The following NRP2 variants were observed in gnomAD, a reference collection of about 807,000 sequenced individuals.
NRP2 encodes neuropilin 2.
NRP2 carries 52 observed loss-of-function variants against 110.4 expected under a neutral mutation model. The observed-to-expected ratio is 0.47, with a 90% confidence interval of 0.38 to 0.59. The LOEUF is 0.59. NRP2 is among the 20% of genes least tolerant of loss of function. The pLI is 0.00. For missense variants in NRP2, 1,049 were observed against 1,203.0 expected (o/e 0.87, Z 1.89); for synonymous variants, 508 against 468.9 (o/e 1.08, Z -1.08).
intron 15 of NRP2, among the ~76,000 whole-genome samples, chr2:205,786,798 G>A (rs1208180237): frequency 6.6e-6 from 1 of 152,190 alleles, no homozygotes; most frequent in Non-Finnish European, 1.5e-5. Context: ...TCACCAATTA[G>A]CAGGACTAAG....
intron 13 of NRP2, 136 bp from the exon 14 acceptor site, chr2:205,765,338 C>T: frequency 1.3e-6 from 1 of 749,556 alleles, no homozygotes; most frequent in Non-Finnish European, 2.4e-6. Context: ...CAGATGTGTA[C>T]CAGGTGCAAT....
intron 15 of NRP2, among the ~76,000 whole-genome samples, chr2:205,774,701 G>A (rs2058072302): frequency 6.6e-6 from 1 of 152,132 alleles, no homozygotes; most frequent in African/African-American, 2.4e-5. Context: ...GACATTAGAA[G>A]GTCTGACCCA....
intron 15 of NRP2, chr2:205,776,757 T>C: frequency 6.9e-7 from 1 of 1,442,704 alleles, no homozygotes; most frequent in East Asian, 2.6e-5. Flanking sequence ...AACCCAACTC[T>C]AATGCTGCAT....
chr2:205,719,896 CA>C (rs2105802767), intron 3 of NRP2, among the ~76,000 whole-genome samples: 1 of 152,342 alleles, frequency 6.6e-6, no homozygotes, highest in East Asian at 1.9e-4. Flanking sequence ...CCAAATCCCC[CA>C]GCTTCTGTAG....
intron 10 of NRP2, among the ~76,000 whole-genome samples, chr2:205,748,400 G>A (rs191606140): frequency 6.6e-6 from 1 of 152,274 alleles, no homozygotes; most frequent in Non-Finnish European, 1.5e-5. Context: ...TTGCCTTACT[G>A]CCCCATAGTT....
chr2:205,738,324 T>C (rs2057381346), intron 7 of NRP2, among the ~76,000 whole-genome samples: 1 of 152,144 alleles, frequency 6.6e-6, no homozygotes, highest in Non-Finnish European at 1.5e-5. Flanking sequence ...GCCCCCCTGC[T>C]GCTGCTCACA....
intron 7 of NRP2, among the ~76,000 whole-genome samples, chr2:205,735,457 A>T (rs2057325774): frequency 6.8e-6 from 1 of 147,404 alleles, no homozygotes; most frequent in Non-Finnish European, 1.5e-5. Flanking sequence ...ATTAGATTTT[A>T]TATATATATA....
intron 13 of NRP2, chr2:205,764,362 C>T (rs778683833): frequency 7.8e-5 from 15 of 192,784 alleles, no homozygotes; most frequent in Non-Finnish European, 1.2e-4. Context: ...GGAAGGGGAG[C>T]GGGGGCTGTT....
intron 15 of NRP2, among the ~76,000 whole-genome samples, chr2:205,783,331 C>T (rs941301907): frequency 1.3e-5 from 2 of 152,118 alleles, no homozygotes; most frequent in African/African-American, 2.4e-5. Flanking sequence ...CAGGCAGAGT[C>T]CTGTTCTCCA....
chr2:205,722,761 G>C, intron 4 of NRP2, 53 bp downstream of exon 4: 1 of 1,435,530 alleles, frequency 7.0e-7, no homozygotes, highest in Non-Finnish European at 9.8e-7. Flanking sequence ...CCTGTTAATT[G>C]CTTTAGTGAT....
At chr2:205,793,756 A>G (rs985705484) in intron 16 of NRP2, among the ~76,000 whole-genome samples, 1 of 152,154 alleles carries the variant, frequency 6.6e-6, no homozygotes, top group African/African-American at 2.4e-5. Context: ...TTTTAACTTG[A>G]TAACATCTGT....
At position 205,765,482 on chromosome 2, in the gene NRP2, C is replaced by T. The variant is rs752006505; in HGVS notation, c.2316C>T (p.Phe772=). The change falls in exon 14 of 17, where the codon TTC becomes TTT. Residue 772 remains phenylalanine (F), a synonymous_variant. Coordinates refer to ENST00000357785, the MANE Select transcript of NRP2 (RefSeq NM_003872.3). ...PSYDMEYQIV[F]EGVIGKGRSG... ...ATTCTTCCGGCTTCTAGATTGTGTT[C>T]GAGGGAGTGATAGGGAAAGGACGTT... The T allele has an allele frequency of 9.7e-5, 156 of 1,613,728 alleles. No homozygotes were observed. The highest frequency in any genetic ancestry group is 7.5e-5 in the Non-Finnish European group (89 of 1,179,830).
At chr2:205,751,709 T>G (rs1461368506) in intron 11 of NRP2, among the ~76,000 whole-genome samples, 1 of 152,158 alleles carries the variant, frequency 6.6e-6, no homozygotes, top group Non-Finnish European at 1.5e-5. Flanking sequence ...GGGTGAGTAA[T>G]TTGTTTCTAC....
chr2:205,776,673 A>G, intron 15 of NRP2: 1 of 1,539,102 alleles, frequency 6.5e-7, no homozygotes, highest in Admixed American at 1.9e-5. Flanking sequence ...ACTCTTATCA[A>G]TCCCAACCAT....
chr2:205,739,490 G>A (rs1432292772), intron 7 of NRP2, among the ~76,000 whole-genome samples: 1 of 152,146 alleles, frequency 6.6e-6, no homozygotes, highest in Non-Finnish European at 1.5e-5. Flanking sequence ...ATCAGGAGCC[G>A]AAACATCTAG....
chr2:205,736,278 G>C, intron 7 of NRP2, among the ~76,000 whole-genome samples: 1 of 152,076 alleles, frequency 6.6e-6, no homozygotes, highest in East Asian at 1.9e-4. Context: ...GGAGGCAGAG[G>C]TTGCAGTGAG....
At chr2:205,723,252 G>A (rs849538) in intron 4 of NRP2, among the ~76,000 whole-genome samples, 62,024 of 152,180 alleles carry the variant, frequency 0.41, 15,364 homozygotes, top group East Asian at 0.79. Flanking sequence ...CTTCGCAGGT[G>A]AAGACCAACA....
Position 205,749,570 on chromosome 2 carries a change from C to G in NRP2, c.1787-155C>G, listed in dbSNP as rs1010727961. On this transcript the variant is annotated intron_variant, in intron 10 of 16. Coordinates refer to ENST00000357785, the MANE Select transcript of NRP2 (RefSeq NM_003872.3). The stretch of plus-strand genomic sequence containing the variant: ...TTCTCATTCTACTATGGTGATGCCC[C>G]TGACTTCGTTGACAGCACACAGACA... 15 of 651,872 alleles carry G rather than the reference C, an allele frequency of 2.3e-5. No individual in the cohort carries two copies. In the Middle Eastern group the frequency reaches 7.8e-4, roughly 34 times the overall value. The allele number at this position is 651,872 out of a possible 1,614,324, so 40.4% of individuals were successfully genotyped here.
intron 1 of NRP2, among the ~76,000 whole-genome samples, chr2:205,695,583 T>G (rs2056406924): frequency 6.6e-6 from 1 of 152,186 alleles, no homozygotes; most frequent in Admixed American, 6.5e-5. Context: ...TCAGGTTTCC[T>G]CTGACGAATT....
Sources: allele counts gnomAD v4.1 joint callset (sites outside exome capture counted in the v4.1 genomes callset), GRCh38; gene constraint gnomAD v4.1.1; transcripts MANE v1.5; gene names NCBI Gene and HGNC (gene_info 2026-07-23, HGNC 2026-07-21).